The following TDRD5 variants were observed in gnomAD, a reference collection of about 807,000 sequenced individuals.
The protein encoded by TDRD5 is tudor domain containing 5.
In TDRD5, 41 loss-of-function variants were observed where a neutral mutation model predicts 120.6. The ratio of observed to expected loss-of-function variants is 0.34; its 90% CI spans 0.26 to 0.44. TDRD5 has a LOEUF of 0.44. Among genes scored for constraint, TDRD5 ranks in the 20% least tolerant of loss-of-function variants. The pLI, the probability that TDRD5 is intolerant of heterozygous loss-of-function variation, is 1.00. For missense variants in TDRD5, 1,006 were observed against 1,221.2 expected, an observed-to-expected ratio of 0.82 and a Z score of 2.63; for synonymous variants, 430 against 433.7, an observed-to-expected ratio of 0.99 and a Z score of 0.11.
chr1:179,632,611 T>A (rs1236591291), intron 7 of TDRD5, among the ~76,000 whole-genome samples: 1 of 152,178 alleles, frequency 6.6e-6, no homozygotes, highest in Non-Finnish European at 1.5e-5. Context: ...TAGATCTTTT[T>A]TTTTAATCAC....
At chr1:179,616,513 A>G (rs891565287) in intron 4 of TDRD5, among the ~76,000 whole-genome samples, 3 of 152,142 alleles carry the variant, frequency 2.0e-5, no homozygotes, top group African/African-American at 2.4e-5. Context: ...TTGCCAGATT[A>G]CAGTTCTGAT....
chr1:179,645,957 T>C (rs1342279063), intron 11 of TDRD5, among the ~76,000 whole-genome samples: 3 of 152,202 alleles, frequency 2.0e-5, no homozygotes. Context: ...TCTCTATCTT[T>C]ATATTTAGAT....
intron 4 of TDRD5, among the ~76,000 whole-genome samples, chr1:179,615,773 A>G (rs1676534872): frequency 7.9e-6 from 1 of 126,544 alleles, no homozygotes; most frequent in Non-Finnish European, 1.8e-5. Context: ...TGCTTGAGGT[A>G]AACTTTTTTT....
intron 11 of TDRD5, among the ~76,000 whole-genome samples, chr1:179,648,473 T>C (rs1432297714): frequency 3.2e-5 from 4 of 125,902 alleles, no homozygotes; most frequent in Non-Finnish European, 5.1e-5. Flanking sequence ...AGGGATAGCA[T>C]TGGGAGATAT....
intron 4 of TDRD5, among the ~76,000 whole-genome samples, chr1:179,603,712 C>A (rs2101925271): frequency 6.6e-6 from 1 of 152,234 alleles, no homozygotes; most frequent in Non-Finnish European, 1.5e-5. Flanking sequence ...ATCCCTGCCT[C>A]CCTGGTATGA....
chr1:179,610,635 A>T (rs1436226866), intron 4 of TDRD5, among the ~76,000 whole-genome samples: 2 of 152,060 alleles, frequency 1.3e-5, no homozygotes, highest in Non-Finnish European at 2.9e-5. Flanking sequence ...AAGTACAAAA[A>T]TTTTTTCTCA....
chr1:179,655,772 C>T (rs886279939), intron 14 of TDRD5, among the ~76,000 whole-genome samples: 20 of 152,298 alleles, frequency 1.3e-4, no homozygotes, highest in African/African-American at 4.6e-4. Context: ...TTCATCCATG[C>T]TCTTGCATGT....
At chr1:179,607,829 C>A (rs1212438344) in intron 4 of TDRD5, among the ~76,000 whole-genome samples, 2 of 151,716 alleles carry the variant, frequency 1.3e-5, no homozygotes, top group Non-Finnish European at 1.5e-5. Context: ...ACATAAAAGT[C>A]AAATTTTAAG....
chr1:179,659,198 GA>G (rs373494042), intron 14 of TDRD5, among the ~76,000 whole-genome samples: 1 of 151,984 alleles, frequency 6.6e-6, no homozygotes, highest in South Asian at 2.1e-4. Context: ...ATGTGTCTTT[GA>G]AAAAAACATG....
chr1:179,603,333 T>G (rs1675815858), intron 4 of TDRD5, among the ~76,000 whole-genome samples: 1 of 152,212 alleles, frequency 6.6e-6, no homozygotes, highest in African/African-American at 2.4e-5. Flanking sequence ...CAATGACAAT[T>G]TGACTTTCTC....
Position 179,690,637 on chromosome 1 carries a change from A to C in TDRD5, c.2861-59A>C, listed in dbSNP as rs548352292. The stretch of plus-strand genomic sequence containing the variant: ...TTAGTATAGAACTAGAATGGGGGAG[A>C]GGAGGCAGTGAGTATGAGTACCCCT... On this transcript the variant is annotated intron_variant, in intron 17 of 17. Coordinates refer to ENST00000444136, the MANE Select transcript of TDRD5 (RefSeq NM_001199085.3). The C allele has an allele frequency of 1.9e-5, 29 of 1,566,510 alleles. No individual in the cohort carries two copies. In the African/African-American group the frequency reaches 3.8e-4, roughly 21 times the overall value.
chr1:179,631,727 A>G (rs1034762640), intron 7 of TDRD5, among the ~76,000 whole-genome samples: 4 of 152,128 alleles, frequency 2.6e-5, no homozygotes, highest in African/African-American at 9.7e-5. Flanking sequence ...AGAAATTAAC[A>G]TTAGTACATT....
At chr1:179,645,801 C>T (rs995565937) in intron 11 of TDRD5, among the ~76,000 whole-genome samples, 1 of 152,046 alleles carries the variant, frequency 6.6e-6, no homozygotes, top group African/African-American at 2.4e-5. Flanking sequence ...ATCTTCCTGG[C>T]AGACTGAATG....
chr1:179,675,406 A>G (rs1426984490), intron 17 of TDRD5, among the ~76,000 whole-genome samples: 1 of 146,178 alleles, frequency 6.8e-6, no homozygotes, highest in Non-Finnish European at 1.5e-5. Context: ...CAGCCTCCCG[A>G]GTAGCTGGGA....
At chr1:179,635,968 T>A in intron 9 of TDRD5, 81 bp downstream of exon 9, 2 of 1,310,374 alleles carry the variant, frequency 1.5e-6, no homozygotes, top group Non-Finnish European at 2.0e-6. Flanking sequence ...TCAGGACTCT[T>A]AAAAATTAAA....
intron 3 of TDRD5, among the ~76,000 whole-genome samples, chr1:179,594,971 G>T (rs545821122): frequency 6.6e-6 from 1 of 152,152 alleles, no homozygotes; most frequent in African/African-American, 2.4e-5. Flanking sequence ...CCTTTCCAGT[G>T]ATTTTGTTCA....
intron 11 of TDRD5, among the ~76,000 whole-genome samples, chr1:179,649,488 T>G (rs1479922345): frequency 1.3e-5 from 2 of 152,132 alleles, no homozygotes; most frequent in Non-Finnish European, 2.9e-5. Context: ...ACTTTACCAA[T>G]TTACTCTTTA....
At chr1:179,595,922 A>G in intron 4 of TDRD5, 104 bp downstream of exon 4, 1 of 1,154,808 alleles carries the variant, frequency 8.7e-7, no homozygotes, top group Non-Finnish European at 1.2e-6. Flanking sequence ...AACTGAAGTC[A>G]TTCACTTATT....
chr1:179,672,753 A>G (rs575380910), intron 17 of TDRD5, among the ~76,000 whole-genome samples: 18 of 152,332 alleles, frequency 1.2e-4, no homozygotes, highest in African/African-American at 4.1e-4. Context: ...TCTTTGATCC[A>G]TCTTGAGTTG....
Sources: allele counts gnomAD v4.1 joint callset (sites outside exome capture counted in the v4.1 genomes callset), GRCh38; gene constraint gnomAD v4.1.1; transcripts MANE v1.5; gene names NCBI Gene and HGNC (gene_info 2026-07-23, HGNC 2026-07-21).